The following RNF19A variants were observed in gnomAD, a reference collection of about 807,000 sequenced individuals.
RNF19A encodes ring finger protein 19A, RBR E3 ubiquitin protein ligase.
RNF19A carries 32 observed loss-of-function variants against 75.7 expected under a neutral mutation model. The ratio of observed to expected loss-of-function variants is 0.42; its 90% CI spans 0.32 to 0.57. RNF19A has a LOEUF of 0.57. RNF19A is among the 20% of genes least tolerant of loss of function. RNF19A has a pLI of 0.10. For synonymous variants in RNF19A, 335 were observed against 345.2 expected, an observed-to-expected ratio of 0.97 and a Z score of 0.33; for missense variants, 782 against 1,036.3, an observed-to-expected ratio of 0.75 and a Z score of 3.37.
intron 1 of RNF19A, among the ~76,000 whole-genome samples, chr8:100,294,615 G>A (rs1821467071): frequency 6.6e-6 from 1 of 150,546 alleles, no homozygotes; most frequent in Admixed American, 6.6e-5. Flanking sequence ...TAAGACTCTT[G>A]ATTTTCTGCT....
intron 1 of RNF19A, among the ~76,000 whole-genome samples, chr8:100,296,423 T>A (rs1821568008): frequency 6.6e-6 from 1 of 152,222 alleles, no homozygotes; most frequent in African/African-American, 2.4e-5. Flanking sequence ...TTATTCTTAC[T>A]GCCCAGGTAA....
chr8:100,326,369 AT>A (rs1464153271), intron 1 of RNF19A, among the ~76,000 whole-genome samples: 1 of 152,100 alleles, frequency 6.6e-6, no homozygotes, highest in African/African-American at 2.4e-5. Context: ...GATTCCCAGC[AT>A]TTTCCATTCT....
intron 1 of RNF19A, 27 bp downstream of exon 1, chr8:100,309,840 C>A: frequency 1.0e-6 from 1 of 985,644 alleles, no homozygotes; most frequent in Non-Finnish European, 1.2e-6. Flanking sequence ...CTCCGGGGCG[C>A]AAGCTCCTCC....
intron 1 of RNF19A, among the ~76,000 whole-genome samples, chr8:100,292,288 CAA>C (rs1054500999): frequency 3.9e-5 from 6 of 152,046 alleles, no homozygotes; most frequent in African/African-American, 1.5e-4. Context: ...GCTTTGATAG[CAA>C]AGATATTTTT....
At chr8:100,267,235 TAACTGAA>T (rs759200203) in intron 5 of RNF19A, among the ~76,000 whole-genome samples, 9 of 152,254 alleles carry the variant, frequency 5.9e-5, no homozygotes, top group Non-Finnish European at 1.3e-4. Context: ...TCTTTGTGTG[TAACTGAA>T]GATATATTAC....
intron 1 of RNF19A, among the ~76,000 whole-genome samples, chr8:100,301,248 T>TA (rs1156926528): frequency 6.6e-6 from 1 of 152,224 alleles, no homozygotes; most frequent in African/African-American, 2.4e-5. Flanking sequence ...AGCACTGGTC[T>TA]AGAGATGTGA....
chr8:100,309,245 G>T, intron 1 of RNF19A: 1 of 877,618 alleles, frequency 1.1e-6, no homozygotes, highest in Non-Finnish European at 1.4e-6. Flanking sequence ...CACCATTTTG[G>T]TGTGATGTGT....
chr8:100,307,507 T>A (rs763131031), intron 1 of RNF19A, among the ~76,000 whole-genome samples: 1 of 151,656 alleles, frequency 6.6e-6, no homozygotes, highest in African/African-American at 2.4e-5. Flanking sequence ...AAAATTTCTA[T>A]ATAAATCTAA....
At chr8:100,311,735 AAAAAG>A (rs1447105655), upstream of RNF19A, among the ~76,000 whole-genome samples, 389 of 139,690 alleles carry the variant, frequency 2.8e-3, 13 homozygotes, top group African/African-American at 9.4e-3. Context: ...AAAAAAAAAA[AAAAAG>A]AAAAGAAAAT....
chr8:100,316,375 G>T (rs532660657), intron 1 of RNF19A, among the ~76,000 whole-genome samples: 1 of 152,206 alleles, frequency 6.6e-6, no homozygotes. Context: ...CTGCTGTCCC[G>T]GGCAGCCTGC....
chr8:100,322,244 C>G lies in RNF19A; in HGVS notation c.-242-8872G>C, dbSNP rs369226277. Reference sequence around the variant, plus strand: ...TGAAAATCTGTTGTTTAGTATAGTCCCTTTTATTAATGATCTTAGCTAGAT... The same window carrying G: ...TGAAAATCTGTTGTTTAGTATAGTCGCTTTTATTAATGATCTTAGCTAGAT... On this transcript the variant is annotated intron_variant, in intron 1 of 3. Coordinates refer to the RNF19A transcript ENST00000519527. The surrounding 1 kb of genome is among the most constrained non-coding windows in gnomAD (Gnocchi z 5.1). Among the ~76,000 whole-genome samples the G allele has an allele frequency of 1.9e-4, 29 of 152,160 alleles. No homozygotes were observed. The highest frequency in any genetic ancestry group is 3.4e-4 in the Non-Finnish European group (23 of 68,026).
Position 100,288,062 on chromosome 8 carries a change from A to C in RNF19A, c.113T>G (p.Met38Arg), listed in dbSNP as rs772345276. The change falls in exon 2 of 10, where the codon ATG becomes AGG. Residue 38 changes from methionine (M) to arginine (R), a missense_variant. Around this residue, in one of 7 missense-constraint regions of RNF19A, gnomAD observed 148 missense variants for 147.9 expected, o/e 1.00. Coordinates refer to ENST00000341084, the MANE Select transcript of RNF19A (RefSeq NM_183419.4). ...SILDMSLHRQ[M>R]GSDRDLQSSA... is the part of the protein sequence containing the mutation. ...GGACTGAAGATCTCGATCTGAACCC[A>C]TTTGCCGATGTAAACTCATGTCTAA... The C allele has an allele frequency of 6.2e-7, 1 of 1,614,146 alleles. No homozygotes were observed. Among genetic ancestry groups the C allele is most frequent in the Non-Finnish European group, 8.5e-7 (1 of 1,180,018 alleles).
rs752638942 is a variant in RNF19A, at chr8:100,280,356, G to C, written c.675-5195C>G. The stretch of plus-strand genomic sequence containing the variant: ...AAGATTATACATATGTAGTGTTTGT[G>C]TGTCTGTGAAGAGAGATGAGGAGAG... On this transcript the variant is annotated intron_variant, in intron 2 of 9. Transcript: ENST00000341084. Among the ~76,000 whole-genome samples, 5 of 152,328 alleles carry C rather than the reference G, an allele frequency of 3.3e-5. No homozygotes were observed. The South Asian group carries it at 1.0e-3, about 32-fold the overall frequency.
chr8:100,289,152 A>G (rs1318555230), intron 1 of RNF19A, among the ~76,000 whole-genome samples: 1 of 152,128 alleles, frequency 6.6e-6, no homozygotes, highest in Non-Finnish European at 1.5e-5. Context: ...ATGGCCTTTA[A>G]AAAAAGAAAA....
chr8:100,314,068 G>A (rs1421584597), upstream of RNF19A, among the ~76,000 whole-genome samples: 1 of 151,696 alleles, frequency 6.6e-6, no homozygotes, highest in Admixed American at 6.6e-5. This position sits in a 1 kb window ranked among gnomAD's most constrained non-coding sequence, Gnocchi z 4.1. Flanking sequence ...TTTTTGTAGA[G>A]ACGAGGTTTT....
chr8:100,269,810 ATT>A lies in RNF19A; in HGVS notation c.1028+57_1028+58del, dbSNP rs1214715518. The A allele has an allele frequency of 1.3e-5, 18 of 1,342,460 alleles. No homozygotes were observed. The highest frequency in any genetic ancestry group is 3.0e-5 in the African/African-American group (2 of 65,650). 83.2% of individuals were successfully genotyped at this position (1,342,460 alleles called of 1,614,324 possible). A position where few individuals can be genotyped will look rare whatever the true frequency, so the allele number is the denominator to read the frequency against. The stretch of plus-strand genomic sequence containing the variant: ...ATAAAACCCAAATTTAAGACAAGTT[ATT>A]TTGTCTTACAATATAAAATTACATT... On this transcript the variant is annotated intron_variant, in intron 4 of 9. Coordinates refer to ENST00000341084, the MANE Select transcript of RNF19A (RefSeq NM_183419.4). The surrounding 1 kb of genome is among the most constrained non-coding windows in gnomAD (Gnocchi z 5.7).
chr8:100,296,706 T>C (rs969348937), intron 1 of RNF19A, among the ~76,000 whole-genome samples: 6 of 152,220 alleles, frequency 3.9e-5, no homozygotes, highest in Middle Eastern at 3.2e-3. Flanking sequence ...AACTTGCCAG[T>C]AAAAGTTAAC....
At chr8:100,283,824 A>T (rs1820894075) in intron 2 of RNF19A, among the ~76,000 whole-genome samples, 1 of 152,226 alleles carries the variant, frequency 6.6e-6, no homozygotes, top group Non-Finnish European at 1.5e-5. Context: ...AAAAGGGTTA[A>T]ATACTACCTA....
intron 1 of RNF19A, among the ~76,000 whole-genome samples, chr8:100,318,869 G>C (rs1784833110): frequency 6.6e-6 from 1 of 152,194 alleles, no homozygotes; most frequent in South Asian, 2.1e-4. Flanking sequence ...TGGTGGTTGG[G>C]GGAATCAGAT....
Sources: allele counts gnomAD v4.1 joint callset (sites outside exome capture counted in the v4.1 genomes callset), GRCh38; gene constraint gnomAD v4.1.1; regional missense constraint gnomAD v4.1.1; non-coding constraint Gnocchi (gnomAD v3.1); transcripts MANE v1.5; gene names NCBI Gene and HGNC (gene_info 2026-07-23, HGNC 2026-07-21).